The following C1S variants were observed in gnomAD, a reference collection of about 807,000 sequenced individuals.
C1S encodes complement C1s subcomponent.
Under a neutral mutation model 54.0 loss-of-function variants are expected in C1S, and 31 were observed. The ratio of observed to expected loss-of-function variants is 0.57; its 90% CI spans 0.43 to 0.78. The LOEUF is 0.78. C1S is among the 30% of genes least tolerant of loss of function. The probability of loss-of-function intolerance (pLI) is 0.00; values close to 1 mark genes in which losing one functional copy is unlikely to be tolerated. For missense variants in C1S, 727 were observed against 851.8 expected, an observed-to-expected ratio of 0.85 and a Z score of 1.82; for synonymous variants, 292 against 303.6, an observed-to-expected ratio of 0.96 and a Z score of 0.40.
Position 7,067,026 on chromosome 12 carries a change from T to TAATAAAC in C1S, c.988-12_988-11insATAAACA, listed in dbSNP as rs1555162376. 1 of 1,595,706 alleles carries TAATAAAC rather than the reference T, an allele frequency of 6.3e-7. No homozygotes were observed. The highest frequency in any genetic ancestry group is 8.6e-7 in the Non-Finnish European group (1 of 1,163,196). ...CTCTTCAGAAATAAGTGGTGATGTT[T>TAATAAAC]ATTATTCTCCAGGGACGTGTTGGTG... On this transcript the variant is annotated splice_polypyrimidine_tract_variant and intron_variant, in intron 8 of 11. Transcript: ENST00000360817.
chr12:7,068,395 G>C (rs1937734140), intron 10 of C1S, 61 bp from the exon 11 acceptor site: 2 of 1,229,062 alleles, frequency 1.6e-6, no homozygotes, highest in Admixed American at 1.7e-5. Context: ...GGGTCGGAGG[G>C]GGGAATGGAA....
At position 7,065,990 on chromosome 12, in the gene C1S, C is replaced by T. The variant is rs782267712; in HGVS notation, c.871+20C>T. On this transcript the variant is annotated intron_variant, in intron 7 of 11. Coordinates refer to ENST00000360817, the MANE Select transcript of C1S (RefSeq NM_001734.5). ...GAGATCGTGAGTAACTTAGAAGTGC[C>T]TCTTTGGTTGGTGATACCAAAGTCC... 3.1e-6 allele frequency: 5 copies of T among 1,611,740 alleles called. No individual in the cohort carries two copies. Among genetic ancestry groups the T allele is most frequent in the East Asian group, 2.2e-5 (1 of 44,862 alleles).
chr12:7,061,680 A>T (rs1591574091), intron 1 of C1S, 159 bp from the exon 2 acceptor site: 1 of 633,254 alleles, frequency 1.6e-6, no homozygotes, highest in Admixed American at 2.3e-5. Flanking sequence ...GAAGTTAACT[A>T]GGGAGGGTGT....
intron 1 of C1S, 155 bp from the exon 2 acceptor site, chr12:7,061,684 A>G: frequency 1.6e-6 from 1 of 638,674 alleles, no homozygotes; most frequent in East Asian, 2.8e-5. Context: ...TTAACTAGGG[A>G]GGGTGTGAGG....
At position 7,070,084 on chromosome 12, in the gene C1S, C is replaced by T. The variant is rs1012477739; in HGVS notation, c.1500C>T (p.Ser500=). The T allele has an allele frequency of 6.2e-7, 1 of 1,614,008 alleles. No individual in the cohort carries two copies. The highest frequency in any genetic ancestry group is 8.5e-7 in the Non-Finnish European group (1 of 1,180,022). ...TGCAGACCTCACGGCTGGCAAAATC[C>T]AAGATGCTCACTCCTGAGCATGTGT... ...TSVQTSRLAK[S]KMLTPEHVFI... The change falls in exon 12 of 12, where the codon TCC becomes TCT. Residue 500 remains serine (S), a synonymous_variant. Coordinates refer to ENST00000360817, the MANE Select transcript of C1S (RefSeq NM_001734.5). This position sits in a 1 kb window ranked among gnomAD's most constrained non-coding sequence, Gnocchi z 4.9.
rs2239170 is a variant in C1S, at chr12:7,066,625, G to C, written c.979G>C (p.Val327Leu). The C allele has an allele frequency of 9.3e-4, 1,489 of 1,605,242 alleles. 46 individuals carry two copies. In the East Asian group the frequency reaches 0.031, roughly 33 times the overall value. The change falls in exon 8 of 12, where the codon GTT (valine) becomes CTT (leucine). Residue 327 changes from valine (V) to leucine (L), a missense_variant. By Grantham distance (32) the Val-to-Leu change is conservative (BLOSUM62 1). This residue lies in a region of C1S where 10 missense variants were observed against 32.8 expected (regional missense o/e 0.30). Coordinates refer to ENST00000360817, the MANE Select transcript of C1S (RefSeq NM_001734.5). ...VQITCLDGFEVVEGRVGATSF... is the reference protein window; with the variant it reads ...VQITCLDGFELVEGRVGATSF... ...GATAACCTGTCTGGATGGGTTTGAAGTTGTGGAGGTAAAGTACCACCTTGG... is the reference window on the plus strand; with the variant it reads ...GATAACCTGTCTGGATGGGTTTGAACTTGTGGAGGTAAAGTACCACCTTGG...
chr12:7,070,218 T>C lies in C1S; in HGVS notation c.1634T>C (p.Val545Ala). The C allele has an allele frequency of 6.2e-7, 1 of 1,614,050 alleles. No homozygotes were observed. The highest frequency in any genetic ancestry group is 1.1e-5 in the South Asian group (1 of 91,072). ...LKDPVKMGPT[V>A]SPICLPGTSS... is the part of the protein sequence containing the mutation. ...GACCCAGTGAAAATGGGACCCACCGTCTCTCCCATCTGCCTACCAGGCACC... is the reference window on the plus strand; with the variant it reads ...GACCCAGTGAAAATGGGACCCACCGCCTCTCCCATCTGCCTACCAGGCACC... Residue 545 changes from valine to alanine, a missense_variant, in exon 12 of 12, where the codon GTC becomes GCC. Val to Ala is a moderately conservative substitution (Grantham distance 64). Around this residue, in one of 3 missense-constraint regions of C1S, gnomAD observed 360 missense variants for 453.6 expected, o/e 0.79. Coordinates refer to ENST00000360817, the MANE Select transcript of C1S (RefSeq NM_001734.5). This position sits in a 1 kb window ranked among gnomAD's most constrained non-coding sequence, Gnocchi z 4.9.
chr12:7,065,195 C>G lies in C1S; in HGVS notation c.613C>G (p.Gln205Glu), dbSNP rs760913159. The change falls in exon 6 of 12, where the codon CAG becomes GAG. Residue 205 changes from glutamine to glutamate, a missense_variant. Physicochemically the swap from Gln to Glu is conservative, Grantham distance 29. Transcript: ENST00000360817. ...PYPENSRCEYQIRLEKGFQVV... is the reference protein window; with the variant it reads ...PYPENSRCEYEIRLEKGFQVV... ...TCCAGAGAACTCAAGGTGTGAATAC[C>G]AGATCCGGTTGGAGAAAGGGTTCCA... The G allele has an allele frequency of 7.7e-5, 125 of 1,613,758 alleles. No homozygotes were observed. The highest frequency in any genetic ancestry group is 1.0e-4 in the Non-Finnish European group (118 of 1,179,822).
At chr12:7,061,782 A>T in intron 1 of C1S, 57 bp from the exon 2 acceptor site, 1 of 981,976 alleles carries the variant, frequency 1.0e-6, no homozygotes, top group Non-Finnish European at 1.6e-6. Flanking sequence ...ACGCCGCACC[A>T]CCAAAGAAGG....
Position 7,066,631 on chromosome 12 carries a change from G to T in C1S, c.985G>T (p.Glu329Ter). The change falls in exon 8 of 12, where the codon GAG becomes TAG. Residue 329 changes from glutamate to a stop codon, truncating the protein, a stop_gained and splice_region_variant. Coordinates refer to ENST00000360817, the MANE Select transcript of C1S (RefSeq NM_001734.5). LOFTEE classifies it high-confidence loss of function. ...CTGTCTGGATGGGTTTGAAGTTGTGGAGGTAAAGTACCACCTTGGCTTCTC... is the reference window on the plus strand; with the variant it reads ...CTGTCTGGATGGGTTTGAAGTTGTGTAGGTAAAGTACCACCTTGGCTTCTC... ...ITCLDGFEVV[E>*]GRVGATSFYS... is the part of the protein sequence containing the mutation. The T allele has an allele frequency of 6.3e-7, 1 of 1,587,120 alleles. No homozygotes were observed. The highest frequency in any genetic ancestry group is 8.7e-7 in the Non-Finnish European group (1 of 1,155,250).
Position 7,061,848 on chromosome 12 carries a change from T to A in C1S, c.-65T>A, listed in dbSNP as rs782250274. The A allele has an allele frequency of 1.9e-6, 3 of 1,604,644 alleles. No homozygotes were observed. The highest frequency in any genetic ancestry group is 2.6e-6 in the Non-Finnish European group (3 of 1,171,678). ...GCCTGCCACCCCTTAGGCTCCAAAG[T>A]CCGGAGGTGCAGAAAGCCAGGACCA... On this transcript the variant is annotated 5_prime_UTR_variant, in exon 2 of 12. Coordinates refer to ENST00000360817, the MANE Select transcript of C1S (RefSeq NM_001734.5).
Position 7,061,823 on chromosome 12 carries a change from G to A in C1S, c.-74-16G>A, listed in dbSNP as rs1947092219. 6.9e-7 allele frequency: 1 copy of A among 1,443,126 alleles called. No individual in the cohort carries two copies. The highest frequency in any genetic ancestry group is 1.1e-5 in the South Asian group (1 of 87,412). The allele number at this position is 1,443,126 out of a possible 1,614,324, so 89.4% of individuals were successfully genotyped here. A position where few individuals can be genotyped will look rare whatever the true frequency, so the allele number is the denominator to read the frequency against. ...GTGTTTGTCAGACAAATACAGCCAG[G>A]CCTGCCACCCCTTAGGCTCCAAAGT... On this transcript the variant is annotated splice_polypyrimidine_tract_variant and intron_variant, in intron 1 of 11. Transcript: ENST00000360817.
intron 11 of C1S, 194 bp downstream of exon 11, chr12:7,068,724 C>A: frequency 1.7e-6 from 1 of 591,974 alleles, no homozygotes; most frequent in Admixed American, 2.9e-5. Context: ...TGAAGCCAGG[C>A]CAACTGGAAG....
rs1397822824 is a variant in C1S, at chr12:7,070,916, A to T, written c.*265A>T. 1 of 497,996 alleles carries T rather than the reference A, an allele frequency of 2.0e-6. No homozygotes were observed. The highest frequency in any genetic ancestry group is 3.7e-5 in the East Asian group (1 of 26,996). The allele number at this position is 497,996 out of a possible 1,614,324, so 30.8% of individuals were successfully genotyped here. A position where few individuals can be genotyped will look rare whatever the true frequency, so the allele number is the denominator to read the frequency against. ...TATGGGTGGGGCACTCCTTTCTTGCACTATTCCACAGGGATACCTTAATTC... is the reference window on the plus strand; with the variant it reads ...TATGGGTGGGGCACTCCTTTCTTGCTCTATTCCACAGGGATACCTTAATTC... On this transcript the variant is annotated 3_prime_UTR_variant, in exon 12 of 12. Coordinates refer to ENST00000360817, the MANE Select transcript of C1S (RefSeq NM_001734.5). The surrounding 1 kb of genome is among the most constrained non-coding windows in gnomAD (Gnocchi z 4.9).
chr12:7,065,029 T>A (rs782116616), intron 5 of C1S, 71 bp from the exon 6 acceptor site: 2 of 1,301,010 alleles, frequency 1.5e-6, no homozygotes, highest in Admixed American at 1.8e-5. Context: ...AGAGAAGGAA[T>A]CATAGAATAG....
At position 7,061,929 on chromosome 12, in the gene C1S, A is replaced by G. The variant is rs1207236477; in HGVS notation, c.5+12A>G. The G allele has an allele frequency of 3.7e-6, 6 of 1,613,570 alleles. No homozygotes were observed. The East Asian group carries it at 1.1e-4, about 30-fold the overall frequency. On this transcript the variant is annotated intron_variant, in intron 2 of 11. Transcript: ENST00000360817. ...TCGCCAGAGATGTGGTAAGTGATCAAGGGTCCCTGAGATGACACAGACTCC... is the reference window on the plus strand; with the variant it reads ...TCGCCAGAGATGTGGTAAGTGATCAGGGGTCCCTGAGATGACACAGACTCC...
Position 7,062,539 on chromosome 12 carries a change from C to G in C1S, c.70C>G (p.Leu24Val). 6.2e-7 allele frequency: 1 copy of G among 1,613,744 alleles called. No homozygotes were observed. The highest frequency in any genetic ancestry group is 8.5e-7 in the Non-Finnish European group (1 of 1,179,736). ...TGAGCCTACCATGTATGGGGAGATC[C>G]TGTCCCCTAACTATCCTCAGGCATA... ...YAEPTMYGEILSPNYPQAYPS... is the reference protein window; with the variant it reads ...YAEPTMYGEIVSPNYPQAYPS... Residue 24 changes from leucine (L) to valine (V), a missense_variant, in exon 3 of 12, where the codon CTG becomes GTG. Coordinates refer to ENST00000360817, the MANE Select transcript of C1S (RefSeq NM_001734.5).
intron 10 of C1S, 121 bp from the exon 11 acceptor site, chr12:7,068,335 A>T: frequency 1.3e-6 from 1 of 762,446 alleles, no homozygotes; most frequent in Non-Finnish European, 2.4e-6. Flanking sequence ...CTGATTTACT[A>T]CTTGAATCCT....
chr12:7,062,269 T>TAAAAAAAA, intron 2 of C1S: 1 of 435,750 alleles, frequency 2.3e-6, no homozygotes, highest in Non-Finnish European at 3.9e-6. Flanking sequence ...AGAACCTGTC[T>TAAAAAAAA]CAAAAAAAAA....
Sources: gnomAD v4.1 joint callset for allele counts on GRCh38, gnomAD v4.1.1 for gene constraint, gnomAD v4.1.1 regional missense constraint, Gnocchi (gnomAD v3.1) non-coding constraint, MANE v1.5 for transcripts, NCBI Gene and HGNC (gene_info 2026-07-23, HGNC 2026-07-21) for gene names.